Variants in ADAM32 observed in about 807,000 individuals in gnomAD.
ADAM32 encodes disintegrin and metalloproteinase domain-containing protein 32.
A neutral mutation model predicts 114.9 loss-of-function variants in ADAM32; 89 were observed. That is an observed-to-expected ratio of 0.77 (90% confidence interval 0.65 to 0.92). The LOEUF (loss-of-function observed/expected upper bound fraction) is 0.92. Ranked by LOEUF, ADAM32 falls within the 40% of genes least tolerant of loss-of-function variation. ADAM32 has a pLI of 0.00. For missense variants in ADAM32, 870 were observed against 932.8 expected (o/e 0.93, Z 0.88); for synonymous variants, 285 against 307.5 (o/e 0.93, Z 0.77).
intron 3 of ADAM32, among the ~76,000 whole-genome samples, chr8:39,137,607 T>TA (rs986071275): frequency 3.3e-5 from 5 of 151,592 alleles, no homozygotes; most frequent in African/African-American, 1.2e-4. Context: ...CTGTCTCTAC[T>TA]AAAAAATACA....
chr8:39,195,364 T>A (rs1298158447), intron 11 of ADAM32, among the ~76,000 whole-genome samples: 1 of 152,228 alleles, frequency 6.6e-6, no homozygotes. Flanking sequence ...TTGCAAATAT[T>A]TTCTTTTATT....
At chr8:39,111,862 A>G (rs1202342428) in intron 1 of ADAM32, among the ~76,000 whole-genome samples, 1 of 151,888 alleles carries the variant, frequency 6.6e-6, no homozygotes, top group Non-Finnish European at 1.5e-5. Context: ...AAAAGCTATG[A>G]TACCTGCTAG....
intron 6 of ADAM32, among the ~76,000 whole-genome samples, chr8:39,155,458 CAT>C (rs1050238004): frequency 6.6e-6 from 1 of 152,224 alleles, no homozygotes; most frequent in African/African-American, 2.4e-5. Context: ...AGAGGCCAAA[CAT>C]GTGAGGCTTC....
intron 10 of ADAM32, among the ~76,000 whole-genome samples, chr8:39,176,661 T>G (rs921930140): frequency 1.3e-5 from 2 of 152,146 alleles, no homozygotes; most frequent in Admixed American, 1.3e-4. Context: ...ATGTATATTC[T>G]CTTGATTTTG....
chr8:39,120,321 T>C (rs536388480), intron 2 of ADAM32, among the ~76,000 whole-genome samples: 1 of 152,262 alleles, frequency 6.6e-6, no homozygotes, highest in African/African-American at 2.4e-5. Flanking sequence ...TAGATTGCCT[T>C]GAAGGGACTG....
intron 22 of ADAM32, among the ~76,000 whole-genome samples, chr8:39,277,810 G>A (rs1180556323): frequency 2.0e-5 from 3 of 152,246 alleles, no homozygotes; most frequent in Admixed American, 6.5e-5. Context: ...CAGGGTGCCT[G>A]TGACTCCGAA....
chr8:39,186,255 G>C (rs1188410259), intron 10 of ADAM32, among the ~76,000 whole-genome samples: 1 of 152,112 alleles, frequency 6.6e-6, no homozygotes, highest in African/African-American at 2.4e-5. Flanking sequence ...TCCTCCTCCT[G>C]CATCATATCC....
intron 14 of ADAM32, among the ~76,000 whole-genome samples, chr8:39,227,488 T>G (rs996163508): frequency 6.6e-6 from 1 of 151,996 alleles, no homozygotes; most frequent in Non-Finnish European, 1.5e-5. Flanking sequence ...GCTGTTAAAT[T>G]GGGGCACGGT....
intron 8 of ADAM32, 36 bp downstream of exon 8, chr8:39,164,871 G>A: frequency 1.3e-6 from 2 of 1,565,542 alleles, no homozygotes; most frequent in Non-Finnish European, 1.7e-6. Flanking sequence ...AATAATTGTT[G>A]TTTTGAAATG....
chr8:39,180,523 G>A lies in ADAM32; in HGVS notation c.916-6386G>A, dbSNP rs182102653. 1.2e-3 allele frequency among the ~76,000 whole-genome samples: 189 copies of A among 152,366 alleles called. 1 individual carries two copies. The highest frequency in any genetic ancestry group is 0.011 in the Admixed American group (161 of 15,310). ...GGGCTGAGGAGTACGAGCACATGGC[G>A]CGGGACTGGCAGGCAGCTCCACCTG... is the stretch of plus-strand genomic sequence containing the variant. On this transcript the variant is annotated intron_variant, in intron 10 of 24. Transcript: ENST00000379907.
chr8:39,254,159 T>C (rs2129450487), intron 17 of ADAM32, among the ~76,000 whole-genome samples: 1 of 151,682 alleles, frequency 6.6e-6, no homozygotes, highest in African/African-American at 2.4e-5. Context: ...ATCGTAAATT[T>C]GTAGGTAAAC....
intron 11 of ADAM32, among the ~76,000 whole-genome samples, chr8:39,188,870 C>T (rs750457627): frequency 1.4e-4 from 21 of 152,090 alleles, no homozygotes; most frequent in Admixed American, 7.2e-4. Flanking sequence ...TAATAGCACA[C>T]GTGTAACTCT....
intron 16 of ADAM32, among the ~76,000 whole-genome samples, chr8:39,244,759 G>A (rs1221781698): frequency 6.6e-6 from 1 of 152,154 alleles, no homozygotes; most frequent in Non-Finnish European, 1.5e-5. Context: ...TAAATGACGA[G>A]TTAATGGGTG....
At chr8:39,254,334 G>T in intron 17 of ADAM32, 80 bp from the exon 18 acceptor site, 1 of 1,166,248 alleles carries the variant, frequency 8.6e-7, no homozygotes, top group Non-Finnish European at 1.2e-6. Flanking sequence ...ACTAGATTAT[G>T]GTACAAAAGT....
chr8:39,198,569 G>A (rs561650167), intron 11 of ADAM32, among the ~76,000 whole-genome samples: 2 of 152,140 alleles, frequency 1.3e-5, no homozygotes, highest in South Asian at 4.2e-4. Context: ...GTGGAGATGG[G>A]GTTTCACCAT....
At position 39,187,158 on chromosome 8, in the gene ADAM32, C is replaced by T. The variant is rs115667425; in HGVS notation, c.1052+113C>T. The stretch of plus-strand genomic sequence containing the variant: ...ATTAGCTATCAATGGACCAAATTCA[C>T]CAAGTATAAACATGTAATTTTAAAT... On this transcript the variant is annotated intron_variant, in intron 11 of 24. Transcript: ENST00000379907. 1.1e-4 allele frequency: 98 copies of T among 896,076 alleles called. No homozygotes were observed. The African/African-American group carries it at 1.3e-3, about 12-fold the overall frequency. The allele number at this position is 896,076 out of a possible 1,614,324, so 55.5% of individuals were successfully genotyped here.
At chr8:39,219,712 A>G (rs142583520) in intron 12 of ADAM32, among the ~76,000 whole-genome samples, 1 of 152,328 alleles carries the variant, frequency 6.6e-6, no homozygotes, top group Non-Finnish European at 1.5e-5. Context: ...AAGTCATTCA[A>G]GAGCAAGTTG....
chr8:39,276,526 T>C (rs1813080711), intron 22 of ADAM32, among the ~76,000 whole-genome samples: 1 of 152,210 alleles, frequency 6.6e-6, no homozygotes, highest in African/African-American at 2.4e-5. Flanking sequence ...TATACATTTA[T>C]AGGGGGCTAG....
intron 2 of ADAM32, among the ~76,000 whole-genome samples, chr8:39,133,222 G>C (rs1358533708): frequency 6.6e-6 from 1 of 152,058 alleles, no homozygotes; most frequent in Non-Finnish European, 1.5e-5. Context: ...TGTTAGTTGA[G>C]ACCTGGCACC....
Sources: gnomAD v4.1 joint callset for allele counts (sites outside exome capture counted in the v4.1 genomes callset) on GRCh38, gnomAD v4.1.1 for gene constraint, MANE v1.5 for transcripts, NCBI Gene and HGNC (gene_info 2026-07-23, HGNC 2026-07-21) for gene names.